COL11A1: variants seen among roughly 807,000 people sequenced by gnomAD.
COL11A1 encodes the protein collagen alpha-1(XI) chain.
Under a neutral mutation model 265.2 loss-of-function variants are expected in COL11A1, and 74 were observed. That is an observed-to-expected ratio of 0.28 (90% CI 0.23 to 0.34). The LOEUF (loss-of-function observed/expected upper bound fraction) is 0.34, where lower values mean the gene tolerates loss of function less well. COL11A1 is among the 10% of genes least tolerant of loss of function. The pLI, the probability that COL11A1 is intolerant of heterozygous loss-of-function variation, is 1.00. For synonymous variants in COL11A1, 816 were observed against 727.6 expected (o/e 1.12, Z -1.96); for missense variants, 2,165 against 2,263.6 (o/e 0.96, Z 0.88).
At chr1:102,919,635 A>C (rs543012800) in intron 49 of COL11A1, among the ~76,000 whole-genome samples, 3 of 152,004 alleles carry the variant, frequency 2.0e-5, no homozygotes, top group Admixed American at 1.3e-4. Context: ...TGAAAATTCT[A>C]TTAAGAAGTG....
At chr1:103,041,284 A>T (rs899091915) in intron 4 of COL11A1, among the ~76,000 whole-genome samples, 2 of 151,900 alleles carry the variant, frequency 1.3e-5, no homozygotes, top group Admixed American at 1.3e-4. Context: ...CTATTTCATA[A>T]AGAGTTAACA....
chr1:102,955,259 A>G (rs959940715), intron 41 of COL11A1, among the ~76,000 whole-genome samples: 1 of 152,226 alleles, frequency 6.6e-6, no homozygotes, highest in Non-Finnish European at 1.5e-5. Flanking sequence ...ATGAAGAAAA[A>G]AAAATAAGAG....
rs995132821 is a variant in COL11A1 at position 102,897,241 on chromosome 1, C to T, written c.4302+884G>A. ...GAATCCCAGTTGTGATGGCTTTGTG[C>T]GTATGTTTCTATCTCTGAGATAATT... On this transcript the variant is annotated intron_variant, in intron 57 of 66. Coordinates refer to ENST00000370096, the MANE Select transcript of COL11A1 (RefSeq NM_001854.4). 7.9e-5 allele frequency among the ~76,000 whole-genome samples: 12 copies of T among 151,788 alleles called. No individual in the cohort carries two copies. In the South Asian group the frequency reaches 1.3e-3, roughly 16 times the overall value.
chr1:103,002,825 T>C (rs975250135), intron 21 of COL11A1, 34 bp from the exon 22 acceptor site: 1 of 1,594,246 alleles, frequency 6.3e-7, no homozygotes, highest in Non-Finnish European at 8.6e-7. Context: ...TGGTTGTTTA[T>C]ATGTTTTGAT....
intron 11 of COL11A1, among the ~76,000 whole-genome samples, chr1:103,017,298 C>A (rs990733089): frequency 3.3e-5 from 5 of 151,906 alleles, no homozygotes; most frequent in African/African-American, 9.7e-5. Flanking sequence ...TTATTTGCAT[C>A]TCTGATCCTC....
chr1:102,904,608 A>G (rs892692198), intron 54 of COL11A1, among the ~76,000 whole-genome samples: 1 of 151,902 alleles, frequency 6.6e-6, no homozygotes, highest in Non-Finnish European at 1.5e-5. Flanking sequence ...TATGCAGCCA[A>G]AAAACACATG....
chr1:102,967,974 C>G (rs1661610896), intron 37 of COL11A1, among the ~76,000 whole-genome samples: 1 of 152,100 alleles, frequency 6.6e-6, no homozygotes. Flanking sequence ...GGCTGCTAGC[C>G]CATTTGTGTG....
At position 103,015,699 on chromosome 1, in the gene COL11A1, G is replaced by T. The variant is rs759501106; in HGVS notation, c.1457C>A (p.Pro486His). 6.2e-7 allele frequency: 1 copy of T among 1,609,514 alleles called. No individual in the cohort carries two copies. The highest frequency in any genetic ancestry group is 1.7e-5 in the Admixed American group (1 of 59,614). ...RPGLPGADGLPGPPGTMLMLP... is the reference protein window; with the variant it reads ...RPGLPGADGLHGPPGTMLMLP... ...CATCAACATAGTACCAGGAGGACCA[G>T]GTAGACCATCAGCCCCTGGTAAGCC... is the stretch of plus-strand genomic sequence containing the variant. Residue 486 changes from proline to histidine, a missense_variant, in exon 12 of 67, where the codon CCT (proline) becomes CAT (histidine). By Grantham distance (77) the Pro-to-His change is moderately conservative. Coordinates refer to ENST00000370096, the MANE Select transcript of COL11A1 (RefSeq NM_001854.4).
Position 102,902,368 on chromosome 1 carries a change from C to A in COL11A1, c.4087-3374G>T, listed in dbSNP as rs569938406. Among the ~76,000 whole-genome samples, 10 of 152,006 alleles carry A rather than the reference C, an allele frequency of 6.6e-5. No individual in the cohort carries two copies. In the South Asian group the frequency reaches 1.9e-3, roughly 28 times the overall value. ...TTTTTAATATTAGCAAAATAAACTG[C>A]CAAATTTAGTATACAGTTAGCTATT... is the stretch of plus-strand genomic sequence containing the variant. On this transcript the variant is annotated intron_variant, in intron 54 of 66. Transcript: ENST00000370096.
In COL11A1 at chr1:102,992,012, T is replaced by C. The variant is rs2616019; in HGVS notation, c.2341-2441A>G. Reference sequence around the variant, plus strand: ...CTAGAGAAAAACATAATTACACAGCTGCCATGCTTAGTTTAAAGAACACTG... The same window carrying C: ...CTAGAGAAAAACATAATTACACAGCCGCCATGCTTAGTTTAAAGAACACTG... On this transcript the variant is annotated intron_variant, in intron 28 of 66. Coordinates refer to ENST00000370096, the MANE Select transcript of COL11A1 (RefSeq NM_001854.4). Among the ~76,000 whole-genome samples, 463 of 152,208 alleles carry C rather than the reference T, an allele frequency of 3.0e-3. 3 individuals carry two copies. Among genetic ancestry groups the C allele is most frequent in the African/African-American group, 0.011 (445 of 41,548 alleles).
intron 28 of COL11A1, among the ~76,000 whole-genome samples, chr1:102,994,291 T>TG (rs1226012259): frequency 1.3e-5 from 2 of 152,088 alleles, no homozygotes; most frequent in Non-Finnish European, 1.5e-5. Context: ...TGGGACCTGG[T>TG]GGGGGGTGAT....
chr1:102,915,282 T>C (rs1655200009), intron 50 of COL11A1, among the ~76,000 whole-genome samples: 1 of 152,138 alleles, frequency 6.6e-6, no homozygotes, highest in Non-Finnish European at 1.5e-5. Context: ...TTAAACTAAT[T>C]AGAATAATAT....
intron 1 of COL11A1, among the ~76,000 whole-genome samples, chr1:103,099,404 A>G (rs1674052765): frequency 6.6e-6 from 1 of 150,992 alleles, no homozygotes; most frequent in Non-Finnish European, 1.5e-5. Flanking sequence ...AAATAAACAT[A>G]AAGCACTTTA....
At chr1:103,095,209 A>C (rs1193656411) in intron 1 of COL11A1, among the ~76,000 whole-genome samples, 1 of 152,116 alleles carries the variant, frequency 6.6e-6, no homozygotes, top group Admixed American at 6.6e-5. Context: ...TAGATGACCT[A>C]GATGCTGCTA....
At chr1:102,929,832 T>A (rs148588322) in intron 46 of COL11A1, among the ~76,000 whole-genome samples, 3 of 152,072 alleles carry the variant, frequency 2.0e-5, no homozygotes, top group African/African-American at 7.2e-5. Flanking sequence ...GATTCCTAGG[T>A]ATTTTATTCT....
intron 31 of COL11A1, among the ~76,000 whole-genome samples, chr1:102,982,438 G>A (rs1663126958): frequency 6.6e-6 from 1 of 151,940 alleles, no homozygotes; most frequent in African/African-American, 2.4e-5. Flanking sequence ...GTGATGTAAG[G>A]ATAGCTTGAG....
chr1:103,090,514 A>C (rs945600315), intron 1 of COL11A1, among the ~76,000 whole-genome samples: 6 of 152,150 alleles, frequency 3.9e-5, no homozygotes, highest in Non-Finnish European at 8.8e-5. Flanking sequence ...CAAGCCTATA[A>C]ACAACAATTG....
chr1:103,010,788 C>T (rs1345765232), intron 14 of COL11A1, among the ~76,000 whole-genome samples: 2 of 151,864 alleles, frequency 1.3e-5, no homozygotes, highest in African/African-American at 4.8e-5. Context: ...GCAACCTCCA[C>T]ATCCCGGGTT....
At position 103,057,342 on chromosome 1, in the gene COL11A1, G is replaced by T. The variant is rs973730995; in HGVS notation, c.651+17276C>A. Among the ~76,000 whole-genome samples, 6 of 152,112 alleles carry T rather than the reference G, an allele frequency of 3.9e-5. No individual in the cohort carries two copies. The East Asian group carries it at 1.2e-3, about 29-fold the overall frequency. ...GTTACAGCAGTTCAGTTACATCCTT[G>T]AGCTCCATTTCCAATTCTAGTTCTC... On this transcript the variant is annotated intron_variant, in intron 4 of 66. Coordinates refer to ENST00000370096, the MANE Select transcript of COL11A1 (RefSeq NM_001854.4).
Sources: gnomAD v4.1 joint callset for allele counts (sites outside exome capture counted in the v4.1 genomes callset) on GRCh38, gnomAD v4.1.1 for gene constraint, MANE v1.5 for transcripts, NCBI Gene and HGNC (gene_info 2026-07-23, HGNC 2026-07-21) for gene names.